The following DYNC2H1 variants were observed in gnomAD, a reference collection of about 807,000 sequenced individuals.
DYNC2H1 encodes cytoplasmic dynein 2 heavy chain 1.
A neutral mutation model predicts 570.0 loss-of-function variants in DYNC2H1; 410 were observed. That is an observed-to-expected ratio of 0.72 (90% confidence interval 0.66 to 0.78). The LOEUF (loss-of-function observed/expected upper bound fraction) is 0.78. Ranked by LOEUF, DYNC2H1 falls within the 30% of genes least tolerant of loss-of-function variation. The probability of loss-of-function intolerance (pLI) is 0.00; values close to 1 mark genes in which losing one functional copy is unlikely to be tolerated. For synonymous variants in DYNC2H1, 1,688 were observed against 1,677.6 expected, an observed-to-expected ratio of 1.01 and a Z score of -0.15; for missense variants, 4,865 against 5,046.4, an observed-to-expected ratio of 0.96 and a Z score of 1.09.
At chr11:103,438,767 G>A (rs1277612788) in intron 85 of DYNC2H1, among the ~76,000 whole-genome samples, 1 of 152,100 alleles carries the variant, frequency 6.6e-6, no homozygotes, top group Non-Finnish European at 1.5e-5. Flanking sequence ...GTGAAGTACT[G>A]GAGATATCAG....
intron 12 of DYNC2H1, among the ~76,000 whole-genome samples, chr11:103,125,981 A>G (rs946814064): frequency 6.6e-6 from 1 of 152,138 alleles, no homozygotes; most frequent in African/African-American, 2.4e-5. Context: ...GTCTTTCTTT[A>G]GTTGATTTTT....
chr11:103,316,985 A>G (rs1937883722), intron 80 of DYNC2H1, among the ~76,000 whole-genome samples: 2 of 152,268 alleles, frequency 1.3e-5, no homozygotes, highest in Middle Eastern at 3.4e-3. Context: ...TGAATTACTA[A>G]GTAGGATTCA....
At chr11:103,234,226 A>G (rs1864134906) in intron 61 of DYNC2H1, 66 bp downstream of exon 61, 2 of 1,482,298 alleles carry the variant, frequency 1.3e-6, no homozygotes, top group Non-Finnish European at 1.8e-6. Flanking sequence ...AATGTAATGT[A>G]TGTTAAGAAA....
At chr11:103,236,390 A>G in intron 62 of DYNC2H1, 40 bp from the exon 63 acceptor site, 1 of 1,161,848 alleles carries the variant, frequency 8.6e-7, no homozygotes, top group Non-Finnish European at 1.3e-6. Flanking sequence ...ATCAAGTACA[A>G]GATCGTTGTG....
intron 13 of DYNC2H1, among the ~76,000 whole-genome samples, chr11:103,131,394 T>C (rs1295534249): frequency 6.6e-6 from 1 of 152,122 alleles, no homozygotes; most frequent in Non-Finnish European, 1.5e-5. Flanking sequence ...GGTTCACCCA[T>C]TCTCCTGCCT....
intron 75 of DYNC2H1, among the ~76,000 whole-genome samples, chr11:103,300,767 A>G (rs896089726): frequency 3.9e-5 from 6 of 151,972 alleles, no homozygotes; most frequent in East Asian, 1.9e-4. Flanking sequence ...AAGATTCAGT[A>G]TGATTCTTGC....
chr11:103,314,447 G>T (rs145295223), intron 79 of DYNC2H1, among the ~76,000 whole-genome samples: 89 of 151,992 alleles, frequency 5.9e-4, no homozygotes, highest in African/African-American at 2.0e-3. Flanking sequence ...TGTTGGATGG[G>T]CATATATATT....
At chr11:103,112,300 G>T (rs891085894) in intron 1 of DYNC2H1, among the ~76,000 whole-genome samples, 2 of 152,166 alleles carry the variant, frequency 1.3e-5, no homozygotes, top group African/African-American at 4.8e-5. Context: ...AGGAGAATAA[G>T]GCACAGGCTG....
At chr11:103,297,788 T>G (rs2135384503) in intron 75 of DYNC2H1, among the ~76,000 whole-genome samples, 1 of 152,224 alleles carries the variant, frequency 6.6e-6, no homozygotes, top group East Asian at 1.9e-4. Context: ...ACCCTAAAAC[T>G]TACTCTGAAT....
In DYNC2H1 at chr11:103,446,596, G is replaced by A. The variant is rs148775256; in HGVS notation, c.12457-8590G>A. 6.6e-6 allele frequency among the ~76,000 whole-genome samples: 1 copy of A among 152,146 alleles called. No homozygotes were observed. The highest frequency in any genetic ancestry group is 2.4e-5 in the African/African-American group (1 of 41,432). On this transcript the variant is annotated intron_variant, in intron 85 of 88. Coordinates refer to ENST00000375735, the MANE Select transcript of DYNC2H1 (RefSeq NM_001377.3). The surrounding 1 kb of genome is among the most constrained non-coding windows in gnomAD (Gnocchi z 4.5). ...AGCAAATATAGACAGTTTTTTCAGGGAGTTGTGTTATGAAGTAACACAGAT... is the reference window on the plus strand; with the variant it reads ...AGCAAATATAGACAGTTTTTTCAGGAAGTTGTGTTATGAAGTAACACAGAT...
chr11:103,434,175 T>C (rs1053538199), intron 84 of DYNC2H1, among the ~76,000 whole-genome samples: 5 of 152,078 alleles, frequency 3.3e-5, no homozygotes, highest in African/African-American at 1.2e-4. Context: ...AAGTTCTCTT[T>C]GAATTGCATC....
chr11:103,385,552 A>G (rs117689683), intron 83 of DYNC2H1, among the ~76,000 whole-genome samples: 6 of 152,320 alleles, frequency 3.9e-5, no homozygotes, highest in Non-Finnish European at 7.4e-5. Context: ...GTCTGATCAG[A>G]AAGGATAATA....
chr11:103,117,978 G>A (rs1858502647), intron 6 of DYNC2H1, 115 bp downstream of exon 6: 1 of 840,256 alleles, frequency 1.2e-6, no homozygotes, highest in Non-Finnish European at 1.7e-6. Flanking sequence ...TTAGTTTTGT[G>A]AGAGAATAGG....
chr11:103,120,348 A>C lies in DYNC2H1; in HGVS notation c.1000-99A>C, dbSNP rs112627661. ...GGTTTTTTCTTTTTTTAGTAAACCT[A>C]ATTTAAAGAAATTCTTGCCCAATAT... On this transcript the variant is annotated intron_variant, in intron 6 of 88. Coordinates refer to ENST00000375735, the MANE Select transcript of DYNC2H1 (RefSeq NM_001377.3). 6 of 1,164,856 alleles carry C rather than the reference A, an allele frequency of 5.2e-6. No individual in the cohort carries two copies. The African/African-American group carries it at 7.7e-5, about 15-fold the overall frequency. 72.2% of individuals were successfully genotyped at this position (1,164,856 alleles called of 1,614,324 possible).
intron 86 of DYNC2H1, among the ~76,000 whole-genome samples, chr11:103,455,531 A>G (rs564463042): frequency 4.6e-5 from 7 of 152,144 alleles, no homozygotes; most frequent in Non-Finnish European, 1.0e-4. Flanking sequence ...AACTTTTATA[A>G]TTTTGATCAT....
At chr11:103,346,027 A>T (rs1176155232) in intron 82 of DYNC2H1, among the ~76,000 whole-genome samples, 1 of 152,110 alleles carries the variant, frequency 6.6e-6, no homozygotes, top group Non-Finnish European at 1.5e-5. Context: ...GAATTGTATT[A>T]TTTTTTCATA....
At chr11:103,168,445 C>T (rs1266626241) in intron 31 of DYNC2H1, among the ~76,000 whole-genome samples, 1 of 152,134 alleles carries the variant, frequency 6.6e-6, no homozygotes, top group Non-Finnish European at 1.5e-5. Flanking sequence ...TGTATGTTGT[C>T]CAACAGGTTT....
chr11:103,333,777 T>C (rs1256525622), intron 82 of DYNC2H1, among the ~76,000 whole-genome samples: 1 of 152,176 alleles, frequency 6.6e-6, no homozygotes, highest in African/African-American at 2.4e-5. Flanking sequence ...AGAAGAAAGT[T>C]AATAGAAAAT....
At position 103,154,606 on chromosome 11, in the gene DYNC2H1, G is replaced by A. The variant is rs869312924; in HGVS notation, c.3458G>A (p.Arg1153Gln). The A allele has an allele frequency of 9.4e-6, 15 of 1,588,708 alleles. No individual in the cohort carries two copies. The highest frequency in any genetic ancestry group is 1.8e-5 in the Admixed American group (1 of 54,670). Residue 1153 changes from arginine (R) to glutamine (Q), a missense_variant and splice_region_variant, in exon 23 of 89, where the codon CGG becomes CAG. By Grantham distance (43) the Arg-to-Gln change is conservative. Coordinates refer to ENST00000375735, the MANE Select transcript of DYNC2H1 (RefSeq NM_001377.3). ...EMANEDWITF[R>Q]TKTYLFEEFL... is the part of the protein sequence containing the mutation. ...GCCAATGAAGACTGGATCACTTTTC[G>A]GTTTGATTCAAAAACAATATTTAGA...
Sources: allele counts gnomAD v4.1 joint callset (sites outside exome capture counted in the v4.1 genomes callset), GRCh38; gene constraint gnomAD v4.1.1; non-coding constraint Gnocchi (gnomAD v3.1); transcripts MANE v1.5; gene names NCBI Gene and HGNC (gene_info 2026-07-23, HGNC 2026-07-21).